RSBN1L: variants seen among roughly 807,000 people sequenced by gnomAD.
RSBN1L encodes lysine-specific demethylase RSBN1L.
In RSBN1L, 30 loss-of-function variants were observed where a neutral mutation model predicts 67.7. The observed-to-expected ratio is 0.44, with a 90% CI of 0.33 to 0.60. RSBN1L has a LOEUF of 0.60. Ranked by LOEUF, RSBN1L falls within the 20% of genes least tolerant of loss-of-function variation. RSBN1L has a pLI of 0.02. For synonymous variants in RSBN1L, 433 were observed against 387.0 expected (o/e 1.12, Z -1.39); for missense variants, 992 against 1,031.7 (o/e 0.96, Z 0.53).
intron 1 of RSBN1L, among the ~76,000 whole-genome samples, chr7:77,699,795 GA>G (rs1276848547): frequency 6.7e-6 from 1 of 150,350 alleles, no homozygotes; most frequent in Admixed American, 6.7e-5. Context: ...AAACAGTTTA[GA>G]TTTTTTTTTT....
intron 1 of RSBN1L, among the ~76,000 whole-genome samples, chr7:77,706,685 C>T (rs1302446263): frequency 6.6e-6 from 1 of 152,118 alleles, no homozygotes; most frequent in African/African-American, 2.4e-5. Context: ...ATTTCAGATA[C>T]CAGAGTAAAT....
At position 77,779,388 on chromosome 7, in the gene RSBN1L, TA is replaced by T. The variant is rs906505046; in HGVS notation, c.*229del. ...GCAGGTTTAAACATAAAGGAGTCTT[TA>T]AAAAAAAATCATTTACGTTGGAATT... On this transcript the variant is annotated 3_prime_UTR_variant, in exon 8 of 8. Transcript: ENST00000334955. 134 of 279,986 alleles carry T rather than the reference TA, an allele frequency of 4.8e-4. No homozygotes were observed. The highest frequency in any genetic ancestry group is 1.1e-3 in the Middle Eastern group (1 of 918). 17.3% of individuals were successfully genotyped at this position (279,986 alleles called of 1,614,324 possible).
At chr7:77,713,444 C>T (rs1157052013) in intron 1 of RSBN1L, among the ~76,000 whole-genome samples, 1 of 151,880 alleles carries the variant, frequency 6.6e-6, no homozygotes, top group East Asian at 1.9e-4. Flanking sequence ...GCAAGCTCCA[C>T]CTCCCAGGTT....
rs762019522 is a variant in RSBN1L at position 77,781,459 on chromosome 7, A to G, written c.*2291A>G. The G allele has an allele frequency of 1.3e-5, 2 of 152,336 alleles. No individual in the cohort carries two copies. The highest frequency in any genetic ancestry group is 2.4e-5 in the African/African-American group (1 of 41,570). 9.4% of individuals were successfully genotyped at this position (152,336 alleles called of 1,614,324 possible). ...TTTCTCTTTAAAGTTGAAGAATGAT[A>G]TATTTAACAAGAGTTGTGTTTTATT... On this transcript the variant is annotated 3_prime_UTR_variant, in exon 8 of 8. Coordinates refer to ENST00000334955, the MANE Select transcript of RSBN1L (RefSeq NM_198467.3).
At chr7:77,701,459 A>G (rs994902586) in intron 1 of RSBN1L, among the ~76,000 whole-genome samples, 3 of 152,076 alleles carry the variant, frequency 2.0e-5, no homozygotes, top group Non-Finnish European at 4.4e-5. Flanking sequence ...ATTTTCCCTC[A>G]AAAGTTTGAA....
intron 3 of RSBN1L, among the ~76,000 whole-genome samples, chr7:77,753,852 G>A (rs1441943687): frequency 6.6e-6 from 1 of 152,026 alleles, no homozygotes; most frequent in Non-Finnish European, 1.5e-5. Context: ...TAAAGATCAG[G>A]GTTTATGTTT....
intron 1 of RSBN1L, among the ~76,000 whole-genome samples, chr7:77,735,986 T>G (rs1791331245): frequency 1.3e-5 from 2 of 152,216 alleles, no homozygotes; most frequent in Middle Eastern, 3.4e-3. Context: ...GTAACCATAA[T>G]GAGGAAGGTA....
intron 1 of RSBN1L, among the ~76,000 whole-genome samples, chr7:77,717,816 A>C (rs1417922108): frequency 1.3e-5 from 2 of 152,126 alleles, no homozygotes; most frequent in Non-Finnish European, 2.9e-5. Context: ...TCAGGAGTTC[A>C]AGACCAGCCT....
intron 1 of RSBN1L, among the ~76,000 whole-genome samples, chr7:77,711,531 T>C (rs767720508): frequency 1.2e-4 from 18 of 152,170 alleles, no homozygotes; most frequent in Non-Finnish European, 2.4e-4. Context: ...TTCATAGATA[T>C]GGCTTCTTGC....
At chr7:77,759,479 C>T (rs891435545) in intron 3 of RSBN1L, 1 of 152,152 alleles carries the variant, frequency 6.6e-6, no homozygotes, top group African/African-American at 2.4e-5. Context: ...TGGATAATGG[C>T]TCCCCCTTGT....
chr7:77,743,783 C>T (rs989303179), intron 2 of RSBN1L, among the ~76,000 whole-genome samples: 2 of 152,162 alleles, frequency 1.3e-5, no homozygotes, highest in African/African-American at 4.8e-5. Flanking sequence ...CACCTTTGCC[C>T]TTTAAGCTTT....
intron 1 of RSBN1L, among the ~76,000 whole-genome samples, chr7:77,714,958 CAA>C (rs35501995): frequency 0.025 from 2,280 of 91,442 alleles, 58 homozygotes; most frequent in African/African-American, 0.086. Flanking sequence ...GACTCCATCT[CAA>C]AAAAAAAAAA....
At position 77,782,232 on chromosome 7, in the gene RSBN1L, G is replaced by A. The variant is rs546321285; in HGVS notation, c.*3064G>A. On this transcript the variant is annotated 3_prime_UTR_variant, in exon 8 of 8. Transcript: ENST00000334955. ...TCCAGTTCTTTATCTGAATACAAGCGTTTTGCTTTTATTTCCAGTTTCTTG... is the reference window on the plus strand; with the variant it reads ...TCCAGTTCTTTATCTGAATACAAGCATTTTGCTTTTATTTCCAGTTTCTTG... The A allele has an allele frequency of 2.0e-5, 3 of 152,080 alleles. No individual in the cohort carries two copies. The highest frequency in any genetic ancestry group is 4.8e-5 in the African/African-American group (2 of 41,492). 9.4% of individuals were successfully genotyped at this position (152,080 alleles called of 1,614,324 possible).
At chr7:77,720,715 A>G (rs1023630545) in intron 1 of RSBN1L, among the ~76,000 whole-genome samples, 23 of 150,294 alleles carry the variant, frequency 1.5e-4, no homozygotes, top group African/African-American at 3.2e-4. Context: ...AATTATTTCT[A>G]TTATATCACA....
chr7:77,721,932 CCTTT>C lies in RSBN1L; in HGVS notation c.587-14473_587-14470del, dbSNP rs769237361. Among the ~76,000 whole-genome samples the C allele has an allele frequency of 9.5e-4, 144 of 152,160 alleles. 2 individuals are homozygous for C. Among genetic ancestry groups the C allele is most frequent in the East Asian group, 9.7e-4 (5 of 5,180 alleles). ...GGAAAGAAACTATAGGTACGGAAAC[CCTTT>C]CTTTTAAAAGCTAGTGAGAATACAC... On this transcript the variant is annotated intron_variant, in intron 1 of 7. Transcript: ENST00000334955.
intron 3 of RSBN1L, among the ~76,000 whole-genome samples, chr7:77,764,221 T>A (rs2150430973): frequency 6.6e-6 from 1 of 152,352 alleles, no homozygotes; most frequent in South Asian, 2.1e-4. Flanking sequence ...AAATTTGTTG[T>A]CCACAAAGGC....
At chr7:77,702,446 GTTTGT>G (rs1790831025) in intron 1 of RSBN1L, among the ~76,000 whole-genome samples, 1 of 151,928 alleles carries the variant, frequency 6.6e-6, no homozygotes, top group Admixed American at 6.6e-5. Flanking sequence ...ACTTATTTCT[GTTTGT>G]TTTGGTTGCT....
At chr7:77,778,310 A>G (rs193019537) in intron 6 of RSBN1L, 28 bp from the exon 7 acceptor site, 4 of 1,502,084 alleles carry the variant, frequency 2.7e-6, no homozygotes, top group Admixed American at 2.0e-5. Context: ...TTTATGGCAG[A>G]TTCTTGTTAT....
rs914282540 is a variant in RSBN1L, at chr7:77,782,932, A to T, written c.*3764A>T. The T allele has an allele frequency of 1.2e-4, 19 of 152,352 alleles. No individual in the cohort carries two copies. Among genetic ancestry groups the T allele is most frequent in the African/African-American group, 4.3e-4 (18 of 41,580 alleles). The allele number at this position is 152,352 out of a possible 1,614,324, so 9.4% of individuals were successfully genotyped here. ...ACAAATATCTCAAAATTCATTTTAC[A>T]TTTAGCAAAGGTGCAACATTTGTTT... On this transcript the variant is annotated 3_prime_UTR_variant, in exon 8 of 8. Coordinates refer to ENST00000334955, the MANE Select transcript of RSBN1L (RefSeq NM_198467.3).
Sources: allele counts gnomAD v4.1 joint callset (sites outside exome capture counted in the v4.1 genomes callset), GRCh38; gene constraint gnomAD v4.1.1; transcripts MANE v1.5; gene names NCBI Gene and HGNC (gene_info 2026-07-23, HGNC 2026-07-21).